USP40: variants seen among roughly 807,000 people sequenced by gnomAD.
USP40 encodes the protein ubiquitin carboxyl-terminal hydrolase 40.
Under a neutral mutation model 166.2 loss-of-function variants are expected in USP40, and 143 were observed. The observed-to-expected ratio is 0.86, with a 90% confidence interval of 0.75 to 0.99. USP40 has a LOEUF of 0.99. Ranked by LOEUF, USP40 falls within the 50% of genes least tolerant of loss-of-function variation. The probability of loss-of-function intolerance (pLI) is 0.00; values close to 1 mark genes in which losing one functional copy is unlikely to be tolerated. For missense variants in USP40, 1,444 were observed against 1,479.7 expected (o/e 0.98, Z 0.40); for synonymous variants, 498 against 524.0 (o/e 0.95, Z 0.68).
At chr2:233,536,945 C>T (rs2068979371) in intron 10 of USP40, among the ~76,000 whole-genome samples, 1 of 152,042 alleles carries the variant, frequency 6.6e-6, no homozygotes, top group Non-Finnish European at 1.5e-5. Flanking sequence ...CAGTGCAGTG[C>T]ATGATCATAG....
rs1434471080 is a variant in USP40, at chr2:233,562,604, T to C, written c.267+132A>G. On this transcript the variant is annotated intron_variant, in intron 3 of 31. Coordinates refer to ENST00000678225, the MANE Select transcript of USP40 (RefSeq NM_001365479.2). ...GGGGGAGGGATAGCATTGGGAGGTA[T>C]ACCTAATGCTAGATGATGAGTTAGT... 1.4e-5 allele frequency: 6 copies of C among 422,116 alleles called. No individual in the cohort carries two copies. In the Admixed American group the frequency reaches 2.6e-4, roughly 18 times the overall value. The allele number at this position is 422,116 out of a possible 1,614,324, so 26.1% of individuals were successfully genotyped here.
chr2:233,557,993 C>A (rs978970059), intron 4 of USP40, among the ~76,000 whole-genome samples: 1 of 131,606 alleles, frequency 7.6e-6, no homozygotes. Context: ...GACAGTGAGA[C>A]CTCATCTCAA....
At chr2:233,489,827 C>G (rs572360792) in intron 26 of USP40, 1 of 199,860 alleles carries the variant, frequency 5.0e-6, no homozygotes, top group Non-Finnish European at 1.0e-5. Flanking sequence ...AGAGCCCGCT[C>G]TAACAGTACA....
intron 10 of USP40, among the ~76,000 whole-genome samples, chr2:233,535,112 G>A (rs1463728023): frequency 6.6e-6 from 1 of 152,166 alleles, no homozygotes; most frequent in Non-Finnish European, 1.5e-5. Flanking sequence ...ACTGGGATGA[G>A]GGGACAGAAT....
rs1403578582 is a variant in USP40 at position 233,527,523 on chromosome 2, GA to G, written c.1608del (p.Gln537SerfsTer12). On this transcript the variant is annotated frameshift_variant, in exon 13 of 32. Coordinates refer to ENST00000678225, the MANE Select transcript of USP40 (RefSeq NM_001365479.2). LOFTEE classifies it high-confidence loss of function. ...NTFELHLHLG[P>X]QYHFFNGALH... ...AGAGCCCCATTGAAGAAATGATACT[GA>G]GGGCCCAGGTGAAGATGCAATTCAA... is the stretch of plus-strand genomic sequence containing the variant. The G allele has an allele frequency of 3.1e-6, 5 of 1,613,452 alleles. No individual in the cohort carries two copies. Among genetic ancestry groups the G allele is most frequent in the Non-Finnish European group, 4.2e-6 (5 of 1,179,706 alleles).
chr2:233,532,292 G>GT (rs760786805), intron 11 of USP40, among the ~76,000 whole-genome samples: 1 of 152,172 alleles, frequency 6.6e-6, no homozygotes, highest in Non-Finnish European at 1.5e-5. Flanking sequence ...GTGTAACGTT[G>GT]TAACTTCAAC....
chr2:233,517,057 T>C (rs1461018071), intron 18 of USP40, among the ~76,000 whole-genome samples: 2 of 152,194 alleles, frequency 1.3e-5, no homozygotes, highest in Non-Finnish European at 2.9e-5. Flanking sequence ...TTAATTTTGA[T>C]GTCGATTTTG....
chr2:233,512,168 C>A (rs1358123532), intron 19 of USP40: 1 of 190,670 alleles, frequency 5.2e-6, no homozygotes, highest in Non-Finnish European at 1.1e-5. Context: ...TTGTTATTAC[C>A]ATCAATAATT....
At chr2:233,504,657 A>G (rs754102061) in intron 21 of USP40, among the ~76,000 whole-genome samples, 1 of 152,060 alleles carries the variant, frequency 6.6e-6, no homozygotes, top group Non-Finnish European at 1.5e-5. Flanking sequence ...ATGAGAGGAT[A>G]TAACAATTGT....
chr2:233,483,775 C>T (rs148622085), intron 30 of USP40, among the ~76,000 whole-genome samples: 55 of 152,250 alleles, frequency 3.6e-4, no homozygotes, highest in African/African-American at 1.3e-3. Flanking sequence ...CCGAAAAAAC[C>T]TGAAATCTGA....
chr2:233,517,721 T>C (rs1475127780), intron 18 of USP40, among the ~76,000 whole-genome samples: 4 of 151,668 alleles, frequency 2.6e-5, no homozygotes, highest in African/African-American at 7.3e-5. Flanking sequence ...CAGTTTGCAA[T>C]TGCAAAATCA....
At chr2:233,523,547 TA>T in intron 15 of USP40, 58 bp from the exon 16 acceptor site, 3 of 1,461,116 alleles carry the variant, frequency 2.1e-6, no homozygotes, top group South Asian at 2.7e-5. Flanking sequence ...ACCGTCAACA[TA>T]ACATGGTAAA....
At chr2:233,536,743 G>C (rs1434840415) in intron 10 of USP40, among the ~76,000 whole-genome samples, 5 of 152,156 alleles carry the variant, frequency 3.3e-5, no homozygotes. Context: ...AGTATCTGCA[G>C]TTTCCAAATC....
chr2:233,486,068 G>A lies in USP40; in HGVS notation c.3198-91C>T. The A allele has an allele frequency of 1.4e-6, 2 of 1,381,658 alleles. No individual in the cohort carries two copies. Among genetic ancestry groups the A allele is most frequent in the Non-Finnish European group, 1.9e-6 (2 of 1,032,486 alleles). The allele number at this position is 1,381,658 out of a possible 1,614,324, so 85.6% of individuals were successfully genotyped here. On this transcript the variant is annotated intron_variant, in intron 28 of 31. Transcript: ENST00000678225. This position sits in a 1 kb window ranked among gnomAD's most constrained non-coding sequence, Gnocchi z 4.0. ...CATAATGGGCAAAGCTTCTCCTCCAGCTTTTCTGGTTTTTATAAGGAGAGA... is the reference window on the plus strand; with the variant it reads ...CATAATGGGCAAAGCTTCTCCTCCAACTTTTCTGGTTTTTATAAGGAGAGA...
intron 8 of USP40, among the ~76,000 whole-genome samples, chr2:233,544,025 A>G (rs926491816): frequency 2.6e-5 from 4 of 152,202 alleles, no homozygotes; most frequent in African/African-American, 9.7e-5. Context: ...CACAGACTCC[A>G]TAAGTTGAGG....
At chr2:233,520,443 A>C (rs1012734059) in intron 17 of USP40, among the ~76,000 whole-genome samples, 1 of 152,034 alleles carries the variant, frequency 6.6e-6, no homozygotes, top group African/African-American at 2.4e-5. Context: ...TAGAAAAAAA[A>C]CCCATAATGA....
intron 21 of USP40, among the ~76,000 whole-genome samples, chr2:233,506,740 C>CAAAAAAAAAA (rs1227656570): frequency 4.3e-4 from 23 of 53,756 alleles, no homozygotes; most frequent in African/African-American, 1.1e-3. Flanking sequence ...ACCGAAAATA[C>CAAAAAAAAAA]AAAAAAAAAA....
chr2:233,491,327 T>C (rs1362531421), intron 25 of USP40, 66 bp from the exon 26 acceptor site: 12 of 1,134,006 alleles, frequency 1.1e-5, no homozygotes, highest in African/African-American at 3.1e-5. Flanking sequence ...CTGAAATACA[T>C]TGCCATGTTT....
chr2:233,476,453 T>G lies in USP40; in HGVS notation c.*939A>C, dbSNP rs2064186054. 6.6e-6 allele frequency: 1 copy of G among 152,378 alleles called. No individual in the cohort carries two copies. The highest frequency in any genetic ancestry group is 1.5e-5 in the Non-Finnish European group (1 of 68,036). The allele number at this position is 152,378 out of a possible 1,614,324, so 9.4% of individuals were successfully genotyped here. ...CTTTAAGTTGAATAGAAATCTGGGT[T>G]GGATTAAGTGGGAAAACCCTTCCTT... On this transcript the variant is annotated 3_prime_UTR_variant, in exon 32 of 32. Transcript: ENST00000678225.
Sources: gnomAD v4.1 joint callset for allele counts (sites outside exome capture counted in the v4.1 genomes callset) on GRCh38, gnomAD v4.1.1 for gene constraint, Gnocchi (gnomAD v3.1) non-coding constraint, MANE v1.5 for transcripts, NCBI Gene and HGNC (gene_info 2026-07-23, HGNC 2026-07-21) for gene names.